Variants in SRGAP2 observed in about 807,000 individuals in gnomAD.
SRGAP2 encodes the protein SLIT-ROBO Rho GTPase activating protein 2.
In SRGAP2, 15 loss-of-function variants were observed where a neutral mutation model predicts 57.2. That is an observed-to-expected ratio of 0.26 (90% CI 0.18 to 0.40). The LOEUF (loss-of-function observed/expected upper bound fraction) is 0.40, where lower values mean the gene tolerates loss of function less well. Among genes scored for constraint, SRGAP2 ranks in the 10% least tolerant of loss-of-function variants. The probability of loss-of-function intolerance (pLI) is 1.00; values close to 1 mark genes in which losing one functional copy is unlikely to be tolerated. For missense variants in SRGAP2, 520 were observed against 669.6 expected, an observed-to-expected ratio of 0.78 and a Z score of 2.47; for synonymous variants, 249 against 248.0, an observed-to-expected ratio of 1.00 and a Z score of -0.04.
intron 10 of SRGAP2, among the ~76,000 whole-genome samples, chr1:206,411,640 C>A (rs1477787998): frequency 1.3e-5 from 2 of 152,200 alleles, no homozygotes; most frequent in South Asian, 2.1e-4. Flanking sequence ...CTCACTCCTC[C>A]TGCCTTGCTG....
chr1:206,460,233 G>T lies in SRGAP2; in HGVS notation c.2833-804G>T, dbSNP rs374985078. ...GGGGGTGCCAGACACAGGTTTATGG[G>T]GAGGGAGCGGGGAGCTGGGAAGTCT... On this transcript the variant is annotated intron_variant, in intron 22 of 22. Transcript: ENST00000573034. Among the ~76,000 whole-genome samples the T allele has an allele frequency of 8.1e-4, 123 of 152,340 alleles. No homozygotes were observed. The South Asian group carries it at 0.025, about 31-fold the overall frequency.
chr1:206,449,463 CT>C (rs1288306433), intron 18 of SRGAP2, among the ~76,000 whole-genome samples: 1 of 114,358 alleles, frequency 8.7e-6, no homozygotes, highest in Non-Finnish European at 1.8e-5. Context: ...TTTTTTTTTT[CT>C]TTTTTTGTAG....
intron 3 of SRGAP2, among the ~76,000 whole-genome samples, chr1:206,308,671 TG>T (rs1338914147): frequency 2.0e-5 from 3 of 148,990 alleles, no homozygotes; most frequent in Non-Finnish European, 4.5e-5. Flanking sequence ...TTGGGGTAAG[TG>T]TTGTGGAAGG....
intron 2 of SRGAP2, among the ~76,000 whole-genome samples, chr1:206,300,827 C>CT (rs1169347195): frequency 1.3e-5 from 2 of 148,990 alleles, no homozygotes; most frequent in Non-Finnish European, 3.0e-5. Context: ...CTTGTCCTCT[C>CT]TTTTTTTGGC....
intron 17 of SRGAP2, among the ~76,000 whole-genome samples, chr1:206,441,326 G>A (rs1463620684): frequency 2.0e-5 from 3 of 152,174 alleles, no homozygotes; most frequent in Non-Finnish European, 4.4e-5. Context: ...GTGGTATTTA[G>A]CTAATCACCC....
At chr1:206,360,216 G>A (rs1417376454) in intron 4 of SRGAP2, among the ~76,000 whole-genome samples, 7 of 150,016 alleles carry the variant, frequency 4.7e-5, no homozygotes, top group Non-Finnish European at 8.9e-5. Flanking sequence ...TTTGAGGAAG[G>A]TATTTCAGGC....
intron 7 of SRGAP2, among the ~76,000 whole-genome samples, chr1:206,394,309 G>A (rs1414697357): frequency 6.6e-6 from 1 of 151,898 alleles, no homozygotes; most frequent in Non-Finnish European, 1.5e-5. Flanking sequence ...TGATCCACCT[G>A]CCTCGACTTC....
chr1:206,303,603 A>G, intron 3 of SRGAP2, 130 bp downstream of exon 3: 1 of 661,562 alleles, frequency 1.5e-6, no homozygotes, highest in African/African-American at 1.8e-5. Flanking sequence ...GAAAGCCCTC[A>G]AGGACTTCTC....
intron 21 of SRGAP2, 123 bp from the exon 22 acceptor site, chr1:206,458,500 C>T (rs541810172): frequency 5.6e-6 from 4 of 710,458 alleles, no homozygotes; most frequent in Admixed American, 2.0e-5. Context: ...GAGGAGAGAA[C>T]GAGTTCTGTG....
chr1:206,397,718 C>T (rs566428925), intron 7 of SRGAP2, among the ~76,000 whole-genome samples: 1 of 145,102 alleles, frequency 6.9e-6, no homozygotes, highest in East Asian at 1.9e-4. Flanking sequence ...TTTCCTCCCC[C>T]ATACTCTTCT....
chr1:206,278,373 G>GTC (rs1255630401), intron 2 of SRGAP2, among the ~76,000 whole-genome samples: 15 of 138,364 alleles, frequency 1.1e-4, no homozygotes, highest in African/African-American at 3.0e-4. Context: ...AAGAGACAAG[G>GTC]TCTCTCTCTC....
At chr1:206,440,651 G>A (rs149094451) in intron 17 of SRGAP2, among the ~76,000 whole-genome samples, 4 of 152,028 alleles carry the variant, frequency 2.6e-5, no homozygotes, top group African/African-American at 9.6e-5. Context: ...AGGTTCAAGC[G>A]ATTCTCCTGC....
chr1:206,430,325 T>C, intron 14 of SRGAP2, 103 bp downstream of exon 14: 1 of 731,474 alleles, frequency 1.4e-6, no homozygotes, highest in African/African-American at 1.7e-5. Context: ...CATCCTGGCA[T>C]TCTCAGAAAA....
At chr1:206,290,551 A>G (rs1671254227) in intron 2 of SRGAP2, among the ~76,000 whole-genome samples, 1 of 146,962 alleles carries the variant, frequency 6.8e-6, no homozygotes. Flanking sequence ...CTGAGGCAAG[A>G]GAATTGCTTG....
chr1:206,435,240 G>A (rs1661625105), intron 14 of SRGAP2, among the ~76,000 whole-genome samples: 1 of 152,164 alleles, frequency 6.6e-6, no homozygotes, highest in African/African-American at 2.4e-5. Context: ...TACCTCCAAA[G>A]GTCTAACTGA....
chr1:206,248,775 C>T (rs1446705215), intron 2 of SRGAP2, among the ~76,000 whole-genome samples: 1 of 150,104 alleles, frequency 6.7e-6, no homozygotes, highest in Non-Finnish European at 1.5e-5. Flanking sequence ...ATTGATTCAA[C>T]TTCAGAATAT....
At chr1:206,318,387 CCTT>C (rs1245613171) in intron 3 of SRGAP2, among the ~76,000 whole-genome samples, 1 of 152,166 alleles carries the variant, frequency 6.6e-6, no homozygotes, top group Non-Finnish European at 1.5e-5. Flanking sequence ...TTCCTCCCCT[CCTT>C]CTCCTCTCTC....
intron 2 of SRGAP2, among the ~76,000 whole-genome samples, chr1:206,268,081 A>ATAT (rs1182456996): frequency 6.7e-4 from 97 of 145,282 alleles, no homozygotes; most frequent in African/African-American, 1.1e-3. Flanking sequence ...ATATATATAT[A>ATAT]TTTTTTTTTT....
chr1:206,328,339 G>C (rs1553330899), intron 3 of SRGAP2, among the ~76,000 whole-genome samples: 3 of 114,634 alleles, frequency 2.6e-5, no homozygotes, highest in African/African-American at 1.2e-4. Flanking sequence ...GCGATGGCTG[G>C]GTCAAATGGT....
Sources: gnomAD v4.1 joint callset for allele counts (sites outside exome capture counted in the v4.1 genomes callset) on GRCh38, gnomAD v4.1.1 for gene constraint, MANE v1.5 for transcripts, NCBI Gene and HGNC (gene_info 2026-07-23, HGNC 2026-07-21) for gene names.